Variants in FREM3 observed in about 807,000 individuals in gnomAD.
FREM3 encodes FRAS1 related extracellular matrix 3, also known as FRAS1-related extracellular matrix protein 3.
A neutral mutation model predicts 129.1 loss-of-function variants in FREM3; 105 were observed. That is an observed-to-expected ratio of 0.81 (90% CI 0.69 to 0.96). The LOEUF (loss-of-function observed/expected upper bound fraction) is 0.96. FREM3 is among the 40% of genes least tolerant of loss of function. The pLI is 0.00. For missense variants in FREM3, 2,593 were observed against 2,666.3 expected (o/e 0.97, Z 0.61); for synonymous variants, 1,014 against 1,044.9 (o/e 0.97, Z 0.57).
chr4:143,696,910 T>C lies in FREM3; in HGVS notation c.3766A>G (p.Thr1256Ala). The change falls in exon 1 of 8, where the codon ACC (threonine) becomes GCC (alanine). Residue 1256 changes from threonine to alanine, a missense_variant. This residue lies in a region of FREM3 where 2,276 missense variants were observed against 2,267.2 expected (regional missense o/e 1.00). Coordinates refer to ENST00000329798, the MANE Select transcript of FREM3 (RefSeq NM_001168235.2). ...GAGGCCTCCTGGATCTCCTTGAGGGTGAAGCTGTGGATGGGCTGGCTGCCT... is the reference window on the plus strand; with the variant it reads ...GAGGCCTCCTGGATCTCCTTGAGGGCGAAGCTGTGGATGGGCTGGCTGCCT... ...ATGSQPIHSF[T>A]LKEIQEASTI... The C allele has an allele frequency of 7.2e-6, 11 of 1,537,624 alleles. No homozygotes were observed. Among genetic ancestry groups the C allele is most frequent in the Non-Finnish European group, 9.6e-6 (11 of 1,147,006 alleles).
intron 6 of FREM3, among the ~76,000 whole-genome samples, chr4:143,595,854 C>T (rs995861695): frequency 7.0e-6 from 1 of 142,892 alleles, no homozygotes; most frequent in East Asian, 2.0e-4. Flanking sequence ...CGCCACTGCA[C>T]TCCAGTCTGG....
chr4:143,577,715 G>T lies in FREM3; in HGVS notation c.6316C>A (p.Gln2106Lys). 1 of 1,537,270 alleles carries T rather than the reference G, an allele frequency of 6.5e-7. No homozygotes were observed. Among genetic ancestry groups the T allele is most frequent in the Non-Finnish European group, 8.7e-7 (1 of 1,146,898 alleles). The part of the protein sequence containing the change: ...EGPEKFELLL[Q>K]MPMGAVLGEP... ...CCAAGCACTGCACCCATAGGCATCT[G>T]AAGAAGTAATTCAAACTTCTCTGGG... is the stretch of plus-strand genomic sequence containing the variant. The change falls in exon 8 of 8, where the codon CAG becomes AAG. Residue 2106 changes from glutamine (Q) to lysine (K), a missense_variant. Gln to Lys is a moderately conservative substitution (Grantham distance 53, BLOSUM62 1). This residue lies in a region of FREM3 where 317 missense variants were observed against 399.0 expected (regional missense o/e 0.79). Coordinates refer to ENST00000329798, the MANE Select transcript of FREM3 (RefSeq NM_001168235.2).
chr4:143,698,585 T>C lies in FREM3; in HGVS notation c.2091A>G (p.Pro697=). 2 of 1,537,810 alleles carry C rather than the reference T, an allele frequency of 1.3e-6. 1 individual carries two copies. The highest frequency in any genetic ancestry group is 2.4e-5 in the South Asian group (2 of 84,060). ...ACAGCTGTGGACTCAGTATATCCAC[T>C]GGTTGGACCTTGATGGTGAAAATGT... ...KQHIFTIKVQ[P]VDILSPQLYP... Residue 697 remains proline (P), a synonymous_variant, in exon 1 of 8, where the codon CCA becomes CCG. Transcript: ENST00000329798.
chr4:143,630,870 T>A (rs887980126), intron 2 of FREM3, among the ~76,000 whole-genome samples: 30 of 152,174 alleles, frequency 2.0e-4, no homozygotes, highest in African/African-American at 7.2e-4. Flanking sequence ...TTAATATTCC[T>A]TAATAAAATT....
chr4:143,669,077 G>A (rs751119423), intron 2 of FREM3, among the ~76,000 whole-genome samples: 38 of 152,118 alleles, frequency 2.5e-4, no homozygotes, highest in Non-Finnish European at 5.1e-4. Flanking sequence ...GTGATTTTTG[G>A]TTTCTAAAAG....
At chr4:143,672,319 GAGAC>G (rs1740012996) in intron 2 of FREM3, among the ~76,000 whole-genome samples, 1 of 152,160 alleles carries the variant, frequency 6.6e-6, no homozygotes, top group Non-Finnish European at 1.5e-5. Flanking sequence ...CGACCAGCAA[GAGAC>G]TTTGTTTGGT....
chr4:143,671,777 G>A (rs748484667), intron 2 of FREM3, among the ~76,000 whole-genome samples: 26 of 152,250 alleles, frequency 1.7e-4, no homozygotes, highest in Non-Finnish European at 3.4e-4. Context: ...AACTAGGTGC[G>A]AAGAATTCTA....
chr4:143,619,952 A>C (rs1006949330), intron 5 of FREM3, among the ~76,000 whole-genome samples: 7 of 152,202 alleles, frequency 4.6e-5, no homozygotes, highest in Admixed American at 2.6e-4. Context: ...ACATATCAAC[A>C]AGTAGGAGCA....
chr4:143,595,623 CTT>C (rs1738457612), intron 6 of FREM3, among the ~76,000 whole-genome samples: 1 of 152,186 alleles, frequency 6.6e-6, no homozygotes, highest in Non-Finnish European at 1.5e-5. Flanking sequence ...CACCGTGGCT[CTT>C]GCCTGTAATC....
intron 2 of FREM3, among the ~76,000 whole-genome samples, chr4:143,666,602 TA>T (rs1739866164): frequency 6.6e-6 from 1 of 152,102 alleles, no homozygotes; most frequent in African/African-American, 2.4e-5. Flanking sequence ...TTTAAGACAA[TA>T]TGCTAAGTGA....
intron 6 of FREM3, among the ~76,000 whole-genome samples, chr4:143,610,982 A>T (rs1186944521): frequency 2.0e-5 from 3 of 152,032 alleles, no homozygotes; most frequent in African/African-American, 7.2e-5. Flanking sequence ...GTAATTAGAT[A>T]CTTGACTTAG....
chr4:143,649,806 G>C (rs538902893), intron 2 of FREM3, among the ~76,000 whole-genome samples: 4 of 152,108 alleles, frequency 2.6e-5, no homozygotes, highest in African/African-American at 9.6e-5. Flanking sequence ...GAAAAATTAA[G>C]GTCTGTTTAC....
intron 5 of FREM3, among the ~76,000 whole-genome samples, chr4:143,616,779 C>T (rs1458447430): frequency 6.8e-6 from 1 of 148,046 alleles, no homozygotes; most frequent in Non-Finnish European, 1.5e-5. Context: ...GGCAACAGAG[C>T]GAGACTCCGT....
chr4:143,621,294 T>A, intron 4 of FREM3, 132 bp from the exon 5 acceptor site: 1 of 851,194 alleles, frequency 1.2e-6, no homozygotes, highest in Non-Finnish European at 1.8e-6. Context: ...TTAAATATAG[T>A]GAGAATGGGA....
intron 1 of FREM3, among the ~76,000 whole-genome samples, chr4:143,694,927 T>C (rs1259037883): frequency 6.6e-6 from 1 of 152,174 alleles, no homozygotes; most frequent in African/African-American, 2.4e-5. Flanking sequence ...CCTGGGAAAG[T>C]AGAGGGACCT....
intron 2 of FREM3, among the ~76,000 whole-genome samples, chr4:143,654,289 G>C (rs886715805): frequency 6.6e-6 from 1 of 152,078 alleles, no homozygotes; most frequent in Non-Finnish European, 1.5e-5. Flanking sequence ...TTTTAGTAGG[G>C]ACAGGGTTTC....
rs1398074727 is a variant in FREM3 at position 143,696,779 on chromosome 4, C to A, written c.3897G>T (p.Val1299=). ...GAGGAGTTTCATCATCCACTAGGGT[C>A]ACTACAATGGGTACCTTCCTGTGGG... ...HTTHRKVPIV[V]TLVDDETPHL... is the part of the protein sequence containing the mutation. Residue 1299 remains valine (V), a synonymous_variant, in exon 1 of 8, where the codon GTG becomes GTT. Transcript: ENST00000329798. 2.0e-6 allele frequency: 3 copies of A among 1,537,690 alleles called. No individual in the cohort carries two copies. The East Asian group carries it at 7.3e-5, about 38-fold the overall frequency.
chr4:143,699,205 T>C lies in FREM3; in HGVS notation c.1471A>G (p.Lys491Glu). 1 of 1,537,288 alleles carries C rather than the reference T, an allele frequency of 6.5e-7. No homozygotes were observed. ...GCCAGGTCCGCTGGTGTGAAATACT[T>C]GCACCCAGCAGGTGCCCCAAACACC... ...LVVFGAPAGC[K>E]YFTPADLAAG... The change falls in exon 1 of 8, where the codon AAG becomes GAG. Residue 491 changes from lysine to glutamate, a missense_variant. Physicochemically the swap from Lys to Glu is moderately conservative, Grantham distance 56. This residue lies in a region of FREM3 where 2,276 missense variants were observed against 2,267.2 expected (regional missense o/e 1.00). Coordinates refer to ENST00000329798, the MANE Select transcript of FREM3 (RefSeq NM_001168235.2). This position sits in a 1 kb window ranked among gnomAD's most constrained non-coding sequence, Gnocchi z 4.2.
At chr4:143,608,761 C>A (rs1174301767) in intron 6 of FREM3, among the ~76,000 whole-genome samples, 1 of 152,080 alleles carries the variant, frequency 6.6e-6, no homozygotes, top group Non-Finnish European at 1.5e-5. Flanking sequence ...TGTCTTCTGG[C>A]ACTTATGTTG....
Sources: gnomAD v4.1 joint callset for allele counts (sites outside exome capture counted in the v4.1 genomes callset) on GRCh38, gnomAD v4.1.1 for gene constraint, gnomAD v4.1.1 regional missense constraint, Gnocchi (gnomAD v3.1) non-coding constraint, MANE v1.5 for transcripts, NCBI Gene and HGNC (gene_info 2026-07-23, HGNC 2026-07-21) for gene names.